ZNF93: variants seen among roughly 807,000 people sequenced by gnomAD.
ZNF93 encodes zinc finger protein 93.
Under a neutral mutation model 45.0 loss-of-function variants are expected in ZNF93, and 29 were observed. The observed-to-expected ratio is 0.64, with a 90% CI of 0.48 to 0.88. ZNF93 has a LOEUF of 0.88. ZNF93 is among the 40% of genes least tolerant of loss of function. The pLI is 0.00. For synonymous variants in ZNF93, 223 were observed against 244.6 expected, an observed-to-expected ratio of 0.91 and a Z score of 0.82; for missense variants, 578 against 724.0, an observed-to-expected ratio of 0.80 and a Z score of 2.31.
intron 1 of ZNF93, chr19:19,914,871 G>A (rs1599568341): frequency 3.0e-6 from 1 of 329,184 alleles, no homozygotes; most frequent in Non-Finnish European, 5.7e-6. Context: ...CAGATCTTCT[G>A]GGAAAAAACC....
At chr19:19,905,021 C>T (rs1180502035) in intron 1 of ZNF93, among the ~76,000 whole-genome samples, 1 of 152,170 alleles carries the variant, frequency 6.6e-6, no homozygotes, top group Admixed American at 6.5e-5. Context: ...TATCCCCACC[C>T]CCAGACACTG....
chr19:19,933,131 A>C (rs2063379605), intron 3 of ZNF93, 51 bp from the exon 4 acceptor site: 1 of 1,368,150 alleles, frequency 7.3e-7, no homozygotes, highest in African/African-American at 1.5e-5. Flanking sequence ...TGTAAAGTAT[A>C]TTTATCTGAG....
intron 1 of ZNF93, among the ~76,000 whole-genome samples, chr19:19,906,082 A>C (rs1005150166): frequency 1.6e-4 from 25 of 152,306 alleles, no homozygotes; most frequent in African/African-American, 4.1e-4. Context: ...TAATTCTGTT[A>C]CTAGTTCTGT....
At chr19:19,930,409 ACTGATGTCAGGCCCT>A (rs1445507138) in intron 3 of ZNF93, among the ~76,000 whole-genome samples, 1 of 152,146 alleles carries the variant, frequency 6.6e-6, no homozygotes, top group African/African-American at 2.4e-5. Flanking sequence ...GGCAGGCCTG[ACTGATGTCAGGCCCT>A]CCACAAGAGG....
Position 19,915,128 on chromosome 19 carries a change from G to T in ZNF93, c.4-152G>T. 12 of 1,407,056 alleles carry T rather than the reference G, an allele frequency of 8.5e-6. No homozygotes were observed. In the South Asian group the frequency reaches 1.6e-4, roughly 19 times the overall value. 87.2% of individuals were successfully genotyped at this position (1,407,056 alleles called of 1,614,324 possible). On this transcript the variant is annotated intron_variant, in intron 1 of 3. Transcript: ENST00000343769. ...TTTTTTTCTCAGATAATACATTAGA[G>T]AATATTTCTGTGTTGAAGATTATTT...
intron 1 of ZNF93, chr19:19,914,919 A>C (rs530243527): frequency 3.1e-6 from 1 of 318,914 alleles, no homozygotes; most frequent in Admixed American, 4.8e-5. Flanking sequence ...GTACATATTA[A>C]AATTTGAGAG....
intron 3 of ZNF93, among the ~76,000 whole-genome samples, chr19:19,928,273 T>C (rs921635886): frequency 6.6e-6 from 1 of 152,160 alleles, no homozygotes; most frequent in Non-Finnish European, 1.5e-5. Context: ...ATTTCTGAGC[T>C]CTCTATTCTG....
At chr19:19,903,074 G>A (rs981818191) in intron 1 of ZNF93, among the ~76,000 whole-genome samples, 3 of 152,080 alleles carry the variant, frequency 2.0e-5, no homozygotes, top group African/African-American at 7.2e-5. Context: ...AGTTGTTATT[G>A]TTTTGAGGAA....
At chr19:19,916,185 A>G (rs977793749) in intron 2 of ZNF93, among the ~76,000 whole-genome samples, 19 of 151,406 alleles carry the variant, frequency 1.3e-4, no homozygotes, top group African/African-American at 3.4e-4. Context: ...TCCTGACTCA[A>G]TCTCCCGAGT....
intron 3 of ZNF93, among the ~76,000 whole-genome samples, chr19:19,919,416 G>T (rs1000096543): frequency 6.6e-6 from 1 of 152,114 alleles, no homozygotes; most frequent in African/African-American, 2.4e-5. Context: ...TTTTGGCTTA[G>T]GATTGACTTG....
intron 1 of ZNF93, among the ~76,000 whole-genome samples, chr19:19,906,599 G>C (rs1190802219): frequency 6.6e-6 from 1 of 152,142 alleles, no homozygotes; most frequent in East Asian, 1.9e-4. Context: ...TGAAGTCTTT[G>C]CCGGTTTCTG....
Position 19,933,793 on chromosome 19 carries a change from A to G in ZNF93, c.838A>G (p.Thr280Ala). The change falls in exon 4 of 4, where the codon ACT becomes GCT. Residue 280 changes from threonine to alanine, a missense_variant. This residue lies in a region of ZNF93 where 446 missense variants were observed against 547.6 expected (regional missense o/e 0.81). Coordinates refer to ENST00000343769, the MANE Select transcript of ZNF93 (RefSeq NM_031218.4). ...STLTKHKKIHTGEKPYKCEEC... is the reference protein window; with the variant it reads ...STLTKHKKIHAGEKPYKCEEC... ...ACTTACTAAACATAAGAAAATTCAT[A>G]CTGGAGAGAAACCCTACAAATGTGA... 1 of 1,613,056 alleles carries G rather than the reference A, an allele frequency of 6.2e-7. No homozygotes were observed. Among genetic ancestry groups the G allele is most frequent in the Non-Finnish European group, 8.5e-7 (1 of 1,179,298 alleles).
chr19:19,931,808 TTGATTA>T (rs1418691647), intron 3 of ZNF93, among the ~76,000 whole-genome samples: 2 of 152,202 alleles, frequency 1.3e-5, no homozygotes, highest in African/African-American at 4.8e-5. Context: ...CTGGCATGCT[TTGATTA>T]TATTTTATTT....
At chr19:19,907,883 A>G (rs1475798624) in intron 1 of ZNF93, 1 of 152,224 alleles carries the variant, frequency 6.6e-6, no homozygotes, top group African/African-American at 2.4e-5. Flanking sequence ...ACTTTGAATG[A>G]ATCACTTAAA....
chr19:19,927,300 G>A (rs1445195641), intron 3 of ZNF93: 1 of 397,844 alleles, frequency 2.5e-6, no homozygotes, highest in East Asian at 3.6e-5. Flanking sequence ...GGAGATTGAA[G>A]GGAGTCAAAA....
chr19:19,916,483 G>A (rs973887903), intron 2 of ZNF93, 77 bp from the exon 3 acceptor site: 39 of 1,118,318 alleles, frequency 3.5e-5, no homozygotes, highest in Admixed American at 1.1e-4. Context: ...TTATCACATC[G>A]TCTTTGCTGA....
rs186636997 is a variant in ZNF93, at chr19:19,912,584, A to T, written c.4-2696A>T. On this transcript the variant is annotated intron_variant, in intron 1 of 3. Transcript: ENST00000343769. ...ACTTGTTTTCTATTCCTGCAGATCC[A>T]GTAGTTGCTGCACAAGTCAAAAAAG... Among the ~76,000 whole-genome samples, 688 of 152,348 alleles carry T rather than the reference A, an allele frequency of 4.5e-3. 1 individual carries two copies. Among genetic ancestry groups the T allele is most frequent in the Non-Finnish European group, 6.5e-3 (440 of 68,032 alleles).
chr19:19,918,122 C>T (rs533139186), intron 3 of ZNF93, among the ~76,000 whole-genome samples: 1 of 151,710 alleles, frequency 6.6e-6, no homozygotes, highest in East Asian at 2.0e-4. Flanking sequence ...CACAACAGGC[C>T]CCAGTGTGTG....
chr19:19,914,051 C>T (rs1223907474), intron 1 of ZNF93, among the ~76,000 whole-genome samples: 1 of 152,060 alleles, frequency 6.6e-6, no homozygotes, highest in East Asian at 1.9e-4. Context: ...TTCTGTTTGT[C>T]ATAGCTTCTT....
Sources: gnomAD v4.1 joint callset for allele counts (sites outside exome capture counted in the v4.1 genomes callset) on GRCh38, gnomAD v4.1.1 for gene constraint, gnomAD v4.1.1 regional missense constraint, MANE v1.5 for transcripts, NCBI Gene and HGNC (gene_info 2026-07-23, HGNC 2026-07-21) for gene names.